The following GALNT17 variants were observed in gnomAD, a reference collection of about 807,000 sequenced individuals.
GALNT17 encodes the protein polypeptide N-acetylgalactosaminyltransferase 17.
GALNT17 carries 29 observed loss-of-function variants against 63.7 expected under a neutral mutation model. The observed-to-expected ratio is 0.46, with a 90% confidence interval of 0.34 to 0.62. The LOEUF (loss-of-function observed/expected upper bound fraction) is 0.62, where lower values mean the gene tolerates loss of function less well. Ranked by LOEUF, GALNT17 falls within the 20% of genes least tolerant of loss-of-function variation. GALNT17 has a pLI of 0.01. For synonymous variants in GALNT17, 305 were observed against 318.3 expected (o/e 0.96, Z 0.45); for missense variants, 603 against 799.6 (o/e 0.75, Z 2.97).
At chr7:71,182,521 G>C (rs1788753679) in intron 1 of GALNT17, among the ~76,000 whole-genome samples, 1 of 152,148 alleles carries the variant, frequency 6.6e-6, no homozygotes. Context: ...CTGACAGTTA[G>C]AGAGGTGTCC....
At chr7:71,327,199 A>G (rs1159224938) in intron 1 of GALNT17, among the ~76,000 whole-genome samples, 1 of 152,194 alleles carries the variant, frequency 6.6e-6, no homozygotes, top group Non-Finnish European at 1.5e-5. Context: ...TTGGTAGTAC[A>G]TCAGTCCCTT....
At chr7:71,575,411 A>G (rs978505226) in intron 6 of GALNT17, among the ~76,000 whole-genome samples, 6 of 147,766 alleles carry the variant, frequency 4.1e-5, no homozygotes, top group Admixed American at 1.4e-4. Context: ...TTTTTTTGAG[A>G]CAGAGTCTCG....
chr7:71,180,476 A>G (rs1325215249), intron 1 of GALNT17, among the ~76,000 whole-genome samples: 2 of 152,140 alleles, frequency 1.3e-5, no homozygotes, highest in African/African-American at 4.8e-5. Flanking sequence ...GAATGGTGGG[A>G]AAGAAGGCTC....
At chr7:71,482,938 G>C (rs73367504) in intron 5 of GALNT17, among the ~76,000 whole-genome samples, 7,646 of 152,230 alleles carry the variant, frequency 0.05, 667 homozygotes, top group African/African-American at 0.18. Context: ...CTGACAGGAG[G>C]CAGAGCTCGG....
chr7:71,133,342 C>T (rs1425718445), intron 1 of GALNT17, among the ~76,000 whole-genome samples: 3 of 152,138 alleles, frequency 2.0e-5, no homozygotes, highest in African/African-American at 7.2e-5. Flanking sequence ...GACTCCAGCC[C>T]GAGCGCAGAA....
At chr7:71,365,228 C>T (rs929459261) in intron 2 of GALNT17, among the ~76,000 whole-genome samples, 3 of 152,034 alleles carry the variant, frequency 2.0e-5, no homozygotes, top group Non-Finnish European at 2.9e-5. Context: ...CCACCACATC[C>T]GGTCATGGAA....
At chr7:71,224,006 T>A (rs1201388312) in intron 1 of GALNT17, among the ~76,000 whole-genome samples, 1 of 152,174 alleles carries the variant, frequency 6.6e-6, no homozygotes, top group African/African-American at 2.4e-5. Flanking sequence ...ATTATTTCAC[T>A]TGTATTTTGA....
intron 5 of GALNT17, among the ~76,000 whole-genome samples, chr7:71,459,219 G>T (rs1176859807): frequency 6.6e-6 from 1 of 152,074 alleles, no homozygotes; most frequent in Non-Finnish European, 1.5e-5. Context: ...GCTACCACAT[G>T]GGCAGATAAC....
At chr7:71,246,325 G>C (rs956143916) in intron 1 of GALNT17, among the ~76,000 whole-genome samples, 1 of 151,280 alleles carries the variant, frequency 6.6e-6, no homozygotes, top group African/African-American at 2.4e-5. Context: ...ATTTCACCAT[G>C]TTGGCCAGGC....
At chr7:71,638,115 TG>T (rs1431281630) in intron 6 of GALNT17, among the ~76,000 whole-genome samples, 2 of 152,248 alleles carry the variant, frequency 1.3e-5, no homozygotes, top group African/African-American at 4.8e-5. Context: ...CTGACATTGC[TG>T]TGGCATTTGT....
chr7:71,175,520 G>T (rs1330341945), intron 1 of GALNT17, among the ~76,000 whole-genome samples: 2 of 152,058 alleles, frequency 1.3e-5, no homozygotes, highest in Non-Finnish European at 2.9e-5. Flanking sequence ...TGTCTTAGAG[G>T]GTCCCTCTGG....
Position 71,276,344 on chromosome 7 carries a change from A to G in GALNT17, c.239-59206A>G, listed in dbSNP as rs775431830. 7.2e-5 allele frequency among the ~76,000 whole-genome samples: 11 copies of G among 152,222 alleles called. No individual in the cohort carries two copies. In the South Asian group the frequency reaches 1.7e-3, roughly 23 times the overall value. ...CACTCAAAGGAAAAGAAATCATTCT[A>G]TTTAAAAGATACCTGCACTTGTATT... On this transcript the variant is annotated intron_variant, in intron 1 of 10. Coordinates refer to ENST00000333538, the MANE Select transcript of GALNT17 (RefSeq NM_022479.3).
rs10240362 is a variant in GALNT17, at chr7:71,526,934, C to T, written c.963-44351C>T. Among the ~76,000 whole-genome samples, 446 of 152,368 alleles carry T rather than the reference C, an allele frequency of 2.9e-3. 2 individuals are homozygous for T. Among genetic ancestry groups the T allele is most frequent in the African/African-American group, 0.01 (423 of 41,590 alleles). On this transcript the variant is annotated intron_variant, in intron 5 of 10. Coordinates refer to ENST00000333538, the MANE Select transcript of GALNT17 (RefSeq NM_022479.3). ...TTTCTATGGAGCTGTAATCTCTCCA[C>T]AGTCCATTCGTCTGCATCACAACTA...
At chr7:71,636,562 G>T (rs1057458442) in intron 6 of GALNT17, among the ~76,000 whole-genome samples, 12 of 152,226 alleles carry the variant, frequency 7.9e-5, no homozygotes, top group African/African-American at 2.7e-4. Flanking sequence ...GACGTCATCA[G>T]CTGAAAGTGA....
intron 6 of GALNT17, among the ~76,000 whole-genome samples, chr7:71,613,173 A>G (rs1320478206): frequency 2.6e-5 from 4 of 152,190 alleles, no homozygotes; most frequent in African/African-American, 9.6e-5. Context: ...CTTTTTTGAG[A>G]GGCGGTTACT....
chr7:71,156,644 C>CTT (rs1788241069), intron 1 of GALNT17, among the ~76,000 whole-genome samples: 1 of 142,274 alleles, frequency 7.0e-6, no homozygotes, highest in African/African-American at 2.8e-5. Flanking sequence ...CCTTCCCTTC[C>CTT]CCTCCCTGCC....
intron 8 of GALNT17, 51 bp downstream of exon 8, chr7:71,670,160 T>C (rs377468474): frequency 7.0e-5 from 112 of 1,610,702 alleles, no homozygotes; most frequent in Non-Finnish European, 9.4e-5. Flanking sequence ...CAATATGCTG[T>C]GGGTTGCTTC....
intron 2 of GALNT17, among the ~76,000 whole-genome samples, chr7:71,360,704 G>A (rs1792382455): frequency 6.6e-6 from 1 of 152,114 alleles, no homozygotes; most frequent in Admixed American, 6.6e-5. Context: ...AGGCCAAGAT[G>A]GGCAGATCAC....
chr7:71,151,127 A>G (rs1788125450), intron 1 of GALNT17, among the ~76,000 whole-genome samples: 1 of 152,076 alleles, frequency 6.6e-6, no homozygotes, highest in Admixed American at 6.5e-5. Flanking sequence ...TATAGCAGCT[A>G]GTGTTATTTA....
Sources: allele counts gnomAD v4.1 joint callset (sites outside exome capture counted in the v4.1 genomes callset), GRCh38; gene constraint gnomAD v4.1.1; transcripts MANE v1.5; gene names NCBI Gene and HGNC (gene_info 2026-07-23, HGNC 2026-07-21).